Variants in STAG1 observed in about 807,000 individuals in gnomAD.
STAG1 encodes STAG1 cohesin complex component.
In STAG1, 26 loss-of-function variants were observed where a neutral mutation model predicts 170.9. That is an observed-to-expected ratio of 0.15 (90% confidence interval 0.11 to 0.21). The LOEUF (loss-of-function observed/expected upper bound fraction) is 0.21, where lower values mean the gene tolerates loss of function less well. Among genes scored for constraint, STAG1 ranks in the 10% least tolerant of loss-of-function variants. The pLI, the probability that STAG1 is intolerant of heterozygous loss-of-function variation, is 1.00. For missense variants in STAG1, 964 were observed against 1,509.5 expected (o/e 0.64, Z 5.99); for synonymous variants, 514 against 497.7 (o/e 1.03, Z -0.44).
chr3:136,542,526 T>C (rs536657208), intron 5 of STAG1, among the ~76,000 whole-genome samples: 128 of 152,238 alleles, frequency 8.4e-4, no homozygotes, highest in Middle Eastern at 6.8e-3. Context: ...ATCTCTATGG[T>C]ATGCAGTTTG....
chr3:136,637,710 A>G (rs1276305095), intron 1 of STAG1, among the ~76,000 whole-genome samples: 1 of 152,160 alleles, frequency 6.6e-6, no homozygotes, highest in Non-Finnish European at 1.5e-5. Flanking sequence ...GAACCCATAT[A>G]GCATACAGTT....
intron 14 of STAG1, among the ~76,000 whole-genome samples, chr3:136,445,689 T>C (rs1189803113): frequency 6.6e-6 from 1 of 152,192 alleles, no homozygotes; most frequent in Non-Finnish European, 1.5e-5. Flanking sequence ...TATATGAAGA[T>C]TTACAATCGC....
At position 136,463,788 on chromosome 3, in the gene STAG1, CACAT is replaced by C. The variant is rs1369476345; in HGVS notation, c.1313+1089_1313+1092del. 3.1e-5 allele frequency among the ~76,000 whole-genome samples: 4 copies of C among 129,554 alleles called. 1 individual carries two copies. Among genetic ancestry groups the C allele is most frequent in the Non-Finnish European group, 5.1e-5 (3 of 58,804 alleles). The allele number at this position is 129,554 out of a possible 152,430, so 85.0% of individuals were successfully genotyped here. A position where few individuals can be genotyped will look rare whatever the true frequency, so the allele number is the denominator to read the frequency against. On this transcript the variant is annotated intron_variant, in intron 13 of 33. Coordinates refer to ENST00000383202, the MANE Select transcript of STAG1 (RefSeq NM_005862.3). ...GTGTGTATACACACACACACACACA[CACAT>C]ATACATATACATACATATATACACA... is the stretch of plus-strand genomic sequence containing the variant.
intron 1 of STAG1, among the ~76,000 whole-genome samples, chr3:136,674,115 A>AAAGGG (rs1942056173): frequency 8.6e-6 from 1 of 115,674 alleles, no homozygotes; most frequent in African/African-American, 3.2e-5. Context: ...AAAAAAAAAA[A>AAAGGG]AGGGAGGGAG....
At chr3:136,667,683 A>G (rs1396894334) in intron 1 of STAG1, among the ~76,000 whole-genome samples, 1 of 152,016 alleles carries the variant, frequency 6.6e-6, no homozygotes, top group Non-Finnish European at 1.5e-5. Context: ...TTTAGTAGAG[A>G]CAGGGTTTCA....
chr3:136,345,463 T>G (rs1329423781), intron 29 of STAG1, among the ~76,000 whole-genome samples: 13 of 149,288 alleles, frequency 8.7e-5, no homozygotes, highest in Non-Finnish European at 1.3e-4. Flanking sequence ...TTGTTTTTTT[T>G]TTTTTTTTTT....
chr3:136,700,424 T>TC (rs1461317783), intron 1 of STAG1, among the ~76,000 whole-genome samples: 13 of 151,694 alleles, frequency 8.6e-5, no homozygotes, highest in Admixed American at 2.6e-4. Flanking sequence ...TCTTCTTTTT[T>TC]TTTTTTTTAT....
At chr3:136,731,751 C>G (rs6771713) in intron 1 of STAG1, among the ~76,000 whole-genome samples, 1 of 151,998 alleles carries the variant, frequency 6.6e-6, no homozygotes, top group Non-Finnish European at 1.5e-5. Flanking sequence ...CAAAATTACA[C>G]GAAAACACTT....
chr3:136,559,367 A>C (rs991887078), intron 5 of STAG1, among the ~76,000 whole-genome samples: 3 of 152,212 alleles, frequency 2.0e-5, no homozygotes, highest in Non-Finnish European at 4.4e-5. Context: ...TAGAGACATG[A>C]AACAAGAAAA....
In STAG1 at chr3:136,359,392, G is replaced by C. The variant is rs182736881; in HGVS notation, c.2788-96C>G. On this transcript the variant is annotated intron_variant, in intron 26 of 33. Coordinates refer to ENST00000383202, the MANE Select transcript of STAG1 (RefSeq NM_005862.3). ...ATTAAAAAATATGTAAAAGGTATAA[G>C]GTGAAATGTTTCTCTTCTTGCATTG... 213 of 850,610 alleles carry C rather than the reference G, an allele frequency of 2.5e-4. No homozygotes were observed. In the African/African-American group the frequency reaches 3.3e-3, roughly 13 times the overall value. The allele number at this position is 850,610 out of a possible 1,614,324, so 52.7% of individuals were successfully genotyped here.
At chr3:136,473,358 C>G (rs1261062788) in intron 11 of STAG1, among the ~76,000 whole-genome samples, 181 bp downstream of exon 11, 2 of 152,150 alleles carry the variant, frequency 1.3e-5, no homozygotes, top group Admixed American at 1.3e-4. Context: ...CCTCAACCCC[C>G]ACCTTGGTCC....
At chr3:136,613,313 C>CAAAAG (rs1939399624) in intron 3 of STAG1, among the ~76,000 whole-genome samples, 3 of 59,758 alleles carry the variant, frequency 5.0e-5, no homozygotes, top group Admixed American at 2.9e-4. Context: ...GACTCCGTCT[C>CAAAAG]AAAAAAAAAA....
intron 5 of STAG1, 47 bp from the exon 6 acceptor site, chr3:136,542,242 A>T: frequency 7.2e-7 from 1 of 1,397,640 alleles, no homozygotes; most frequent in Non-Finnish European, 1.0e-6. Flanking sequence ...AATCTTTCAG[A>T]TCAATTTCCA....
Position 136,422,621 on chromosome 3 carries a change from G to GAC in STAG1, c.1834-10_1834-9dup. ...TAATAAAGCATCCAGATGCTGAGGA[G>GAC]ACAAAAAAAGAAAAACTGTAATATT... On this transcript the variant is annotated splice_polypyrimidine_tract_variant and intron_variant, in intron 18 of 33. Coordinates refer to ENST00000383202, the MANE Select transcript of STAG1 (RefSeq NM_005862.3). The GAC allele has an allele frequency of 4.4e-6, 7 of 1,594,244 alleles. No homozygotes were observed. The highest frequency in any genetic ancestry group is 5.1e-6 in the Non-Finnish European group (6 of 1,174,680).
intron 1 of STAG1, among the ~76,000 whole-genome samples, chr3:136,748,161 G>A (rs1026322935): frequency 6.6e-6 from 1 of 151,700 alleles, no homozygotes; most frequent in Non-Finnish European, 1.5e-5. Flanking sequence ...GGAGGCCAAG[G>A]TGGACAGACG....
At chr3:136,369,031 T>G (rs1937190757) in intron 24 of STAG1, 77 bp downstream of exon 24, 1 of 1,305,178 alleles carries the variant, frequency 7.7e-7, no homozygotes, top group Non-Finnish European at 1.0e-6. Context: ...TTTTTAGAAC[T>G]GAATTTGTTT....
At chr3:136,589,324 C>T (rs1447499882) in intron 4 of STAG1, among the ~76,000 whole-genome samples, 2 of 151,770 alleles carry the variant, frequency 1.3e-5, no homozygotes, top group Admixed American at 6.6e-5. Flanking sequence ...CATGGTGAAA[C>T]CCAGTCTCTA....
chr3:136,722,327 C>G (rs1933332033), intron 1 of STAG1, among the ~76,000 whole-genome samples: 2 of 152,140 alleles, frequency 1.3e-5, no homozygotes, highest in South Asian at 2.1e-4. Flanking sequence ...CTTTAGTTTT[C>G]TGTATGCCTC....
intron 4 of STAG1, among the ~76,000 whole-genome samples, chr3:136,602,850 GTA>G (rs1162491658): frequency 1.3e-5 from 2 of 152,004 alleles, no homozygotes; most frequent in African/African-American, 4.8e-5. Flanking sequence ...AGAAACAAAA[GTA>G]TAATGAATAA....
Sources: gnomAD v4.1 joint callset for allele counts (sites outside exome capture counted in the v4.1 genomes callset) on GRCh38, gnomAD v4.1.1 for gene constraint, MANE v1.5 for transcripts, NCBI Gene and HGNC (gene_info 2026-07-23, HGNC 2026-07-21) for gene names.